Variants in RAPGEF2 observed in about 807,000 individuals in gnomAD.
The protein encoded by RAPGEF2 is PDZ domain containing guanine nucleotide exchange factor (GEF) 1.
A neutral mutation model predicts 186.7 loss-of-function variants in RAPGEF2; 54 were observed. That is an observed-to-expected ratio of 0.29 (90% CI 0.23 to 0.36). The LOEUF (loss-of-function observed/expected upper bound fraction) is 0.36. Among genes scored for constraint, RAPGEF2 ranks in the 10% least tolerant of loss-of-function variants. The pLI is 1.00. For synonymous variants in RAPGEF2, 712 were observed against 705.9 expected (o/e 1.01, Z -0.14); for missense variants, 1,532 against 2,045.0 (o/e 0.75, Z 4.84).
At chr4:159,327,066 G>A (rs940370009) in intron 11 of RAPGEF2, 2 of 152,202 alleles carry the variant, frequency 1.3e-5, no homozygotes, top group Admixed American at 1.3e-4. Context: ...TAGAATGTAA[G>A]AAACAGTTTT....
chr4:159,328,622 G>T (rs1048922605), intron 11 of RAPGEF2: 2 of 152,178 alleles, frequency 1.3e-5, no homozygotes, highest in Non-Finnish European at 2.9e-5. Context: ...CTCATAATTT[G>T]CATTGCTCAG....
chr4:159,282,387 C>G (rs1333896926), intron 7 of RAPGEF2: 1 of 182,228 alleles, frequency 5.5e-6, no homozygotes, highest in Admixed American at 6.4e-5. Context: ...CTAAGTACTT[C>G]AATTTTTTCC....
chr4:159,159,945 C>T (rs1046066740), intron 1 of RAPGEF2, among the ~76,000 whole-genome samples: 1 of 152,104 alleles, frequency 6.6e-6, no homozygotes, highest in African/African-American at 2.4e-5. Flanking sequence ...TTATTGATCT[C>T]CCTCCAATCA....
At chr4:159,330,968 G>T (rs1766609371) in intron 13 of RAPGEF2, among the ~76,000 whole-genome samples, 1 of 152,076 alleles carries the variant, frequency 6.6e-6, no homozygotes, top group Non-Finnish European at 1.5e-5. Context: ...GAGCTCTAAG[G>T]CCAGATTGGA....
chr4:159,284,481 G>GAC (rs36232973), intron 7 of RAPGEF2, among the ~76,000 whole-genome samples: 150 of 140,444 alleles, frequency 1.1e-3, no homozygotes, highest in South Asian at 4.8e-3. Flanking sequence ...CCGCCATGGA[G>GAC]ACACACACAC....
intron 1 of RAPGEF2, among the ~76,000 whole-genome samples, chr4:159,160,545 A>G (rs374960750): frequency 1.3e-5 from 2 of 152,262 alleles, no homozygotes; most frequent in African/African-American, 4.8e-5. Context: ...TTCAATAGCA[A>G]ACTTCAGTAG....
chr4:159,110,477 CTG>C (rs1265492532), intron 1 of RAPGEF2, among the ~76,000 whole-genome samples: 1 of 152,070 alleles, frequency 6.6e-6, no homozygotes, highest in East Asian at 1.9e-4. Flanking sequence ...CTCGGGGAGA[CTG>C]AGACAGGAGA....
chr4:159,289,297 G>A (rs1192017165), intron 7 of RAPGEF2, among the ~76,000 whole-genome samples: 3 of 152,138 alleles, frequency 2.0e-5, no homozygotes, highest in Non-Finnish European at 1.5e-5. Flanking sequence ...CATCTGACAG[G>A]CTTCTTGTTG....
chr4:159,288,448 G>A (rs1760780941), intron 7 of RAPGEF2, among the ~76,000 whole-genome samples: 1 of 152,082 alleles, frequency 6.6e-6, no homozygotes, highest in Admixed American at 6.6e-5. Context: ...TTTGAAAGGC[G>A]ATTTTTAAGT....
chr4:159,277,286 G>T (rs1055232100), intron 7 of RAPGEF2, among the ~76,000 whole-genome samples: 1 of 152,124 alleles, frequency 6.6e-6, no homozygotes. Context: ...GTATTCCATG[G>T]TGTATATGTG....
intron 1 of RAPGEF2, among the ~76,000 whole-genome samples, chr4:159,127,362 C>G (rs1437093702): frequency 6.6e-6 from 1 of 152,136 alleles, no homozygotes; most frequent in Non-Finnish European, 1.5e-5. Context: ...TTTACCTTCT[C>G]ACTGCCACCA....
chr4:159,311,864 A>G (rs931989068), intron 8 of RAPGEF2, among the ~76,000 whole-genome samples: 1 of 152,184 alleles, frequency 6.6e-6, no homozygotes, highest in African/African-American at 2.4e-5. Flanking sequence ...TGATTTAGAG[A>G]ATCTGTAGTA....
chr4:159,312,282 A>T (rs56288337), intron 8 of RAPGEF2, among the ~76,000 whole-genome samples: 28,416 of 152,098 alleles, frequency 0.19, 2,804 homozygotes, highest in Admixed American at 0.25. Context: ...TATATAGAGA[A>T]CTGATAATAT....
chr4:159,162,258 C>T lies in RAPGEF2; in HGVS notation c.70-24384C>T, dbSNP rs541794480. On this transcript the variant is annotated intron_variant, in intron 1 of 29. Transcript: ENST00000691494. ...AAAAAAAAATAGCTGGATGTGGTAG[C>T]GTGTACTTGTAGTCCCAAGTAGCTG... Among the ~76,000 whole-genome samples, 20 of 148,034 alleles carry T rather than the reference C, an allele frequency of 1.4e-4. 1 individual carries two copies. The South Asian group carries it at 1.9e-3, about 14-fold the overall frequency.
At chr4:159,181,432 T>C (rs1746996199) in intron 1 of RAPGEF2, among the ~76,000 whole-genome samples, 1 of 152,224 alleles carries the variant, frequency 6.6e-6, no homozygotes, top group Non-Finnish European at 1.5e-5. Context: ...TGAATGCAAA[T>C]AGTCTTTTTG....
At chr4:159,343,972 G>C in intron 22 of RAPGEF2, 64 bp from the exon 23 acceptor site, 1 of 1,494,960 alleles carries the variant, frequency 6.7e-7, no homozygotes, top group Non-Finnish European at 9.3e-7. Flanking sequence ...TTCTTTCTGA[G>C]CTTGTGATCT....
intron 1 of RAPGEF2, among the ~76,000 whole-genome samples, chr4:159,120,860 T>G (rs757249142): frequency 2.6e-5 from 4 of 152,050 alleles, no homozygotes; most frequent in Non-Finnish European, 5.9e-5. Flanking sequence ...TTAAATTATT[T>G]TATTTTATTT....
intron 7 of RAPGEF2, among the ~76,000 whole-genome samples, chr4:159,274,743 GTC>G (rs1190930640): frequency 3.9e-5 from 6 of 152,116 alleles, no homozygotes; most frequent in Admixed American, 3.9e-4. Context: ...ATGGAACAGT[GTC>G]TGATTTTTGG....
At chr4:159,286,564 C>T (rs188520439) in intron 7 of RAPGEF2, among the ~76,000 whole-genome samples, 1 of 152,178 alleles carries the variant, frequency 6.6e-6, no homozygotes, top group South Asian at 2.1e-4. Flanking sequence ...TCTCCACTCC[C>T]TGGAGAACTA....
Sources: gnomAD v4.1 joint callset for allele counts (sites outside exome capture counted in the v4.1 genomes callset) on GRCh38, gnomAD v4.1.1 for gene constraint, MANE v1.5 for transcripts, NCBI Gene and HGNC (gene_info 2026-07-23, HGNC 2026-07-21) for gene names.